Variants in KSR2 observed in about 807,000 individuals in gnomAD.
KSR2 encodes kinase suppressor of ras 2.
Under a neutral mutation model 107.8 loss-of-function variants are expected in KSR2, and 25 were observed. The ratio of observed to expected loss-of-function variants is 0.23; its 90% CI spans 0.17 to 0.32. KSR2 has a LOEUF of 0.32. Ranked by LOEUF, KSR2 falls within the 10% of genes least tolerant of loss-of-function variation. KSR2 has a pLI of 1.00. For missense variants in KSR2, 887 were observed against 1,268.9 expected (o/e 0.70, Z 4.57); for synonymous variants, 480 against 507.0 (o/e 0.95, Z 0.71).
chr12:117,637,516 G>A (rs569800258), intron 5 of KSR2, among the ~76,000 whole-genome samples: 77 of 152,074 alleles, frequency 5.1e-4, no homozygotes, highest in Non-Finnish European at 6.5e-4. Context: ...CTCTCAGACT[G>A]AGCAGATCTA....
intron 4 of KSR2, among the ~76,000 whole-genome samples, chr12:117,748,971 G>A (rs1274354870): frequency 2.0e-5 from 3 of 151,590 alleles, no homozygotes; most frequent in Non-Finnish European, 4.4e-5. Flanking sequence ...TTCAGGAGGG[G>A]TATAGAACGC....
rs535761895 is a variant in KSR2, at chr12:117,755,122, G to T, written c.986+5889C>A. 2.6e-5 allele frequency among the ~76,000 whole-genome samples: 4 copies of T among 152,316 alleles called. No individual in the cohort carries two copies. In the South Asian group the frequency reaches 8.3e-4, roughly 32 times the overall value. On this transcript the variant is annotated intron_variant, in intron 4 of 19. Coordinates refer to ENST00000339824, the MANE Select transcript of KSR2 (RefSeq NM_173598.6). ...CTCTGGCTACATTTCACAGAAGAGA[G>T]GGCAAAGGCTTCTCAAACCTTCTCA... is the stretch of plus-strand genomic sequence containing the variant.
At chr12:117,692,284 A>G (rs892917854) in intron 4 of KSR2, among the ~76,000 whole-genome samples, 4 of 152,034 alleles carry the variant, frequency 2.6e-5, no homozygotes, top group South Asian at 2.1e-4. Context: ...TAGGGTAGCT[A>G]TAATTTTACA....
At chr12:117,596,033 C>T (rs1179941264) in intron 5 of KSR2, among the ~76,000 whole-genome samples, 4 of 151,948 alleles carry the variant, frequency 2.6e-5, no homozygotes, top group Non-Finnish European at 5.9e-5. Context: ...TCCTTCCCTC[C>T]CTCCCTTCCT....
At chr12:117,485,540 G>T in intron 15 of KSR2, 55 bp downstream of exon 15, 1 of 1,405,186 alleles carries the variant, frequency 7.1e-7, no homozygotes. Flanking sequence ...GGGCTTCCCT[G>T]GGGGAAACTG....
chr12:117,607,750 G>A (rs1355544002), intron 5 of KSR2, among the ~76,000 whole-genome samples: 1 of 152,006 alleles, frequency 6.6e-6, no homozygotes, highest in African/African-American at 2.4e-5. Flanking sequence ...ACAGTGCCAG[G>A]TGTTTTGCTG....
chr12:117,886,160 A>G (rs746209605), intron 1 of KSR2, among the ~76,000 whole-genome samples: 2 of 150,954 alleles, frequency 1.3e-5, no homozygotes, highest in Non-Finnish European at 3.0e-5. Context: ...ATATACATGT[A>G]CATATGTGTA....
At chr12:117,474,533 T>C (rs1340070141) in intron 17 of KSR2, among the ~76,000 whole-genome samples, 3 of 151,858 alleles carry the variant, frequency 2.0e-5, no homozygotes, top group Non-Finnish European at 4.4e-5. Context: ...CCTGCAACTT[T>C]CCCAAACCGC....
chr12:117,569,419 T>G (rs555256948), intron 7 of KSR2, among the ~76,000 whole-genome samples: 3 of 152,294 alleles, frequency 2.0e-5, no homozygotes, highest in African/African-American at 7.2e-5. Context: ...GGCCAGCCAC[T>G]GCAGGCAGGA....
chr12:117,860,728 T>G (rs1367824676), intron 1 of KSR2, among the ~76,000 whole-genome samples: 1 of 152,174 alleles, frequency 6.6e-6, no homozygotes, highest in Non-Finnish European at 1.5e-5. Context: ...TTTTGTTTTC[T>G]TTTGTTTTGA....
chr12:117,706,342 T>C (rs1886531640), intron 4 of KSR2, among the ~76,000 whole-genome samples: 1 of 152,128 alleles, frequency 6.6e-6, no homozygotes, highest in African/African-American at 2.4e-5. Flanking sequence ...ATCCCCTCTT[T>C]ATAATTTCCA....
rs1206041500 is a variant in KSR2 at position 117,842,607 on chromosome 12, C to T, written c.472+12821G>A. Among the ~76,000 whole-genome samples the T allele has an allele frequency of 6.6e-6, 1 of 152,198 alleles. No individual in the cohort carries two copies. Among genetic ancestry groups the T allele is most frequent in the Admixed American group, 6.5e-5 (1 of 15,282 alleles). ...AAGCACAAGTTCAATGTCAATTCTG[C>T]ACCCAATTCTTCTGCCCAGCACCTC... On this transcript the variant is annotated intron_variant, in intron 3 of 19. Transcript: ENST00000339824. This position sits in a 1 kb window ranked among gnomAD's most constrained non-coding sequence, Gnocchi z 4.2.
intron 1 of KSR2, among the ~76,000 whole-genome samples, chr12:117,921,767 C>G (rs558303731): frequency 6.6e-6 from 1 of 152,280 alleles, no homozygotes; most frequent in South Asian, 2.1e-4. Flanking sequence ...CCATCATTAC[C>G]AGTAACTCAG....
chr12:117,523,168 T>C (rs1327708094), intron 14 of KSR2, among the ~76,000 whole-genome samples: 1 of 152,230 alleles, frequency 6.6e-6, no homozygotes, highest in Non-Finnish European at 1.5e-5. Context: ...CAGAATATAA[T>C]GTACCTTCTA....
chr12:117,585,407 G>T (rs187119109), intron 5 of KSR2, among the ~76,000 whole-genome samples: 1 of 152,154 alleles, frequency 6.6e-6, no homozygotes, highest in East Asian at 1.9e-4. Flanking sequence ...AAAAATAGAT[G>T]TAATTAAGTT....
intron 1 of KSR2, among the ~76,000 whole-genome samples, chr12:117,876,844 A>G (rs59538518): frequency 0.23 from 34,575 of 151,418 alleles, 4,608 homozygotes; most frequent in East Asian, 0.41. Context: ...GGGATCAGAC[A>G]TGTTTCAGAT....
intron 3 of KSR2, among the ~76,000 whole-genome samples, chr12:117,780,564 A>G (rs976409611): frequency 6.6e-6 from 1 of 152,154 alleles, no homozygotes; most frequent in African/African-American, 2.4e-5. Flanking sequence ...GAGATTACTT[A>G]ATGGCCATGG....
chr12:117,542,098 G>C (rs1264936601), intron 9 of KSR2, among the ~76,000 whole-genome samples: 1 of 152,004 alleles, frequency 6.6e-6, no homozygotes, highest in Non-Finnish European at 1.5e-5. Context: ...TGTTGCCCAG[G>C]CTGGTTTCAA....
At chr12:117,623,021 T>C (rs2136345198) in intron 5 of KSR2, among the ~76,000 whole-genome samples, 1 of 152,296 alleles carries the variant, frequency 6.6e-6, no homozygotes, top group East Asian at 1.9e-4. Context: ...AGAGCTGACA[T>C]GAAAACCAGA....
Sources: gnomAD v4.1 joint callset for allele counts (sites outside exome capture counted in the v4.1 genomes callset) on GRCh38, gnomAD v4.1.1 for gene constraint, Gnocchi (gnomAD v3.1) non-coding constraint, MANE v1.5 for transcripts, NCBI Gene and HGNC (gene_info 2026-07-23, HGNC 2026-07-21) for gene names.